The following ROBO2 variants were observed in gnomAD, a reference collection of about 807,000 sequenced individuals.
The protein encoded by ROBO2 is roundabout guidance receptor 2.
ROBO2 carries 53 observed loss-of-function variants against 160.8 expected under a neutral mutation model. The ratio of observed to expected loss-of-function variants is 0.33; its 90% CI spans 0.26 to 0.41. The LOEUF (loss-of-function observed/expected upper bound fraction) is 0.41, where lower values mean the gene tolerates loss of function less well. ROBO2 is among the 10% of genes least tolerant of loss of function. The pLI, the probability that ROBO2 is intolerant of heterozygous loss-of-function variation, is 1.00. For missense variants in ROBO2, 1,577 were observed against 1,722.4 expected (o/e 0.92, Z 1.49); for synonymous variants, 664 against 611.7 (o/e 1.09, Z -1.26).
intron 2 of ROBO2, among the ~76,000 whole-genome samples, chr3:76,927,790 T>G (rs2077076654): frequency 6.6e-6 from 1 of 152,124 alleles, no homozygotes; most frequent in Non-Finnish European, 1.5e-5. Context: ...GGCACTATAG[T>G]GAGTGCATGG....
chr3:76,764,318 C>T (rs1478731690), intron 2 of ROBO2, among the ~76,000 whole-genome samples: 1 of 151,666 alleles, frequency 6.6e-6, no homozygotes, highest in Non-Finnish European at 1.5e-5. Context: ...ATTGAGCATC[C>T]ATAGTTTGTT....
At chr3:76,580,579 A>G (rs182625629) in intron 2 of ROBO2, among the ~76,000 whole-genome samples, 25 of 152,086 alleles carry the variant, frequency 1.6e-4, no homozygotes, top group Middle Eastern at 3.4e-3. Context: ...AGAATCTGGG[A>G]GAAAATTAAA....
intron 2 of ROBO2, among the ~76,000 whole-genome samples, chr3:76,087,343 G>A (rs2069054376): frequency 6.6e-6 from 1 of 151,976 alleles, no homozygotes; most frequent in African/African-American, 2.4e-5. Flanking sequence ...AGCTATGCAA[G>A]CAAGAAGAGA....
At chr3:77,355,893 G>A (rs944416033) in intron 2 of ROBO2, among the ~76,000 whole-genome samples, 2 of 150,312 alleles carry the variant, frequency 1.3e-5, no homozygotes, top group South Asian at 2.1e-4. Context: ...ACTGTATAAT[G>A]AGCAGCTATC....
intron 2 of ROBO2, among the ~76,000 whole-genome samples, chr3:76,059,428 T>C (rs1354643493): frequency 6.6e-6 from 1 of 152,222 alleles, no homozygotes; most frequent in African/African-American, 2.4e-5. Context: ...TCATGTGTTT[T>C]CTGGCTGCAT....
At chr3:76,666,875 ATCC>A (rs564342590) in intron 2 of ROBO2, among the ~76,000 whole-genome samples, 303 of 152,242 alleles carry the variant, frequency 2.0e-3, no homozygotes, top group African/African-American at 7.1e-3. Flanking sequence ...GAAAACAGTT[ATCC>A]TCAGCAGTGA....
Position 76,744,857 on chromosome 3 carries a change from A to G in ROBO2, c.110-353157A>G, listed in dbSNP as rs116564662. Among the ~76,000 whole-genome samples, 1,237 of 152,318 alleles carry G rather than the reference A, an allele frequency of 8.1e-3. 11 individuals carry two copies. Among genetic ancestry groups the G allele is most frequent in the African/African-American group, 0.028 (1,175 of 41,580 alleles). On this transcript the variant is annotated intron_variant, in intron 2 of 26. Transcript: ENST00000487694. ...TTTTAGCTTGAAAAGAATTTGTGCT[A>G]TGAACAAAATGTGTACGTTCACTCT...
intron 2 of ROBO2, among the ~76,000 whole-genome samples, chr3:76,243,373 G>C (rs1449433827): frequency 6.6e-6 from 1 of 152,198 alleles, no homozygotes; most frequent in Non-Finnish European, 1.5e-5. Context: ...CGCAGGGGAG[G>C]GGGCAGTAAG....
intron 2 of ROBO2, among the ~76,000 whole-genome samples, chr3:76,339,462 T>G (rs1576529264): frequency 6.6e-6 from 1 of 152,138 alleles, no homozygotes; most frequent in Non-Finnish European, 1.5e-5. Flanking sequence ...ATGTCACCTG[T>G]TTTGGACAGT....
At chr3:76,687,357 G>T (rs264562) in intron 2 of ROBO2, among the ~76,000 whole-genome samples, 62,323 of 151,514 alleles carry the variant, frequency 0.41, 14,259 homozygotes, top group Non-Finnish European at 0.52. Context: ...AATATATATA[G>T]AGAGAGTATA....
chr3:76,490,232 A>C (rs895067191), intron 2 of ROBO2, among the ~76,000 whole-genome samples: 5 of 152,180 alleles, frequency 3.3e-5, no homozygotes, highest in Non-Finnish European at 5.9e-5. Flanking sequence ...GTTAAAGAAA[A>C]TCAGGATTGA....
At chr3:77,237,501 A>G (rs73101988) in intron 2 of ROBO2, among the ~76,000 whole-genome samples, 4,495 of 147,928 alleles carry the variant, frequency 0.03, 74 homozygotes, top group Middle Eastern at 0.055. Context: ...GTGATCTCCA[A>G]TGATCCTCCC....
intron 2 of ROBO2, among the ~76,000 whole-genome samples, chr3:77,028,339 A>G (rs2063100271): frequency 6.6e-6 from 1 of 152,090 alleles, no homozygotes; most frequent in African/African-American, 2.4e-5. Flanking sequence ...CATTTCTCAG[A>G]GCCTCAGTTT....
intron 2 of ROBO2, among the ~76,000 whole-genome samples, chr3:76,456,462 G>A (rs1265847883): frequency 5.9e-5 from 9 of 152,132 alleles, no homozygotes; most frequent in Non-Finnish European, 1.2e-4. Context: ...AGGGAACAAG[G>A]CAGCAAAGAT....
intron 2 of ROBO2, among the ~76,000 whole-genome samples, chr3:76,546,850 G>C (rs1056288060): frequency 2.6e-5 from 4 of 151,590 alleles, no homozygotes; most frequent in Non-Finnish European, 5.9e-5. Flanking sequence ...TTGCTGTCTT[G>C]ATGTCTTTGC....
chr3:76,430,281 T>A (rs2076385003), intron 2 of ROBO2, among the ~76,000 whole-genome samples: 1 of 152,194 alleles, frequency 6.6e-6, no homozygotes, highest in African/African-American at 2.4e-5. Context: ...CTCTTAACTT[T>A]GCCCTTACTT....
intron 2 of ROBO2, among the ~76,000 whole-genome samples, chr3:77,269,487 G>GA (rs2059350675): frequency 6.6e-6 from 1 of 152,058 alleles, no homozygotes; most frequent in African/African-American, 2.4e-5. Flanking sequence ...GCATCATTTA[G>GA]AATTCATCTG....
At chr3:76,849,738 T>C (rs950841098) in intron 2 of ROBO2, among the ~76,000 whole-genome samples, 1 of 152,196 alleles carries the variant, frequency 6.6e-6, no homozygotes, top group African/African-American at 2.4e-5. Context: ...TAGAAGCAGG[T>C]AGTGGGCACT....
At chr3:77,296,436 G>A (rs1460188817) in intron 2 of ROBO2, among the ~76,000 whole-genome samples, 1 of 152,152 alleles carries the variant, frequency 6.6e-6, no homozygotes, top group African/African-American at 2.4e-5. Flanking sequence ...GTCAAACTGA[G>A]GCTAGGGCAC....
Sources: gnomAD v4.1 joint callset for allele counts (sites outside exome capture counted in the v4.1 genomes callset) on GRCh38, gnomAD v4.1.1 for gene constraint, MANE v1.5 for transcripts, NCBI Gene and HGNC (gene_info 2026-07-23, HGNC 2026-07-21) for gene names.